The following ANXA9 variants were observed in gnomAD, a reference collection of about 807,000 sequenced individuals.
ANXA9 encodes the protein annexin A9, also known as annexin 31.
A neutral mutation model predicts 51.8 loss-of-function variants in ANXA9; 47 were observed. The ratio of observed to expected loss-of-function variants is 0.91; its 90% CI spans 0.72 to 1.16. The LOEUF is 1.16. ANXA9 is among the 50% of genes most tolerant of loss of function. ANXA9 has a pLI of 0.00. For missense variants in ANXA9, 361 were observed against 424.7 expected (o/e 0.85, Z 1.32); for synonymous variants, 154 against 168.7 (o/e 0.91, Z 0.68).
chr1:150,987,535 C>T (rs1230218839), intron 9 of ANXA9, among the ~76,000 whole-genome samples: 1 of 151,734 alleles, frequency 6.6e-6, no homozygotes, highest in Admixed American at 6.6e-5. Flanking sequence ...CGAAACCAGC[C>T]TAGCCAACAT....
intron 12 of ANXA9, 66 bp downstream of exon 12, chr1:150,988,407 G>T (rs772258896): frequency 7.6e-6 from 12 of 1,581,414 alleles, no homozygotes; most frequent in Non-Finnish European, 1.0e-5. Context: ...GTCTCAGCTT[G>T]CTGCTTATGT....
intron 12 of ANXA9, among the ~76,000 whole-genome samples, chr1:150,991,068 A>G (rs1219151699): frequency 1.1e-4 from 16 of 149,666 alleles, no homozygotes; most frequent in African/African-American, 3.4e-4. Flanking sequence ...GCTTGAACCC[A>G]GGAGGCGGAG....
upstream of ANXA9, among the ~76,000 whole-genome samples, chr1:150,978,409 G>C (rs1442419484): frequency 6.6e-6 from 1 of 152,110 alleles, no homozygotes; most frequent in Non-Finnish European, 1.5e-5. Context: ...CAGCCTGGGT[G>C]ACAGAGTAAG....
intron 9 of ANXA9, 144 bp from the exon 10 acceptor site, chr1:150,987,728 A>T: frequency 6.3e-6 from 1 of 158,880 alleles, no homozygotes; most frequent in Non-Finnish European, 1.2e-5. Context: ...AGTCCTTCTC[A>T]AAAAAAAAAA....
At chr1:150,989,378 T>C (rs1671645176) in intron 12 of ANXA9, among the ~76,000 whole-genome samples, 1 of 151,834 alleles carries the variant, frequency 6.6e-6, no homozygotes. Flanking sequence ...TTAGTAGAAC[T>C]GTCCCCCAAA....
intron 9 of ANXA9, among the ~76,000 whole-genome samples, chr1:150,987,043 TAA>T (rs760338727): frequency 3.3e-5 from 5 of 151,864 alleles, no homozygotes; most frequent in Admixed American, 6.6e-5. Context: ...TCTTAAAAAA[TAA>T]AAAACATAAG....
chr1:150,995,338 C>T lies in ANXA9; in HGVS notation c.*16C>T. The T allele has an allele frequency of 1.3e-6, 2 of 1,588,624 alleles. No homozygotes were observed. The highest frequency in any genetic ancestry group is 1.7e-6 in the Non-Finnish European group (2 of 1,167,680). On this transcript the variant is annotated 3_prime_UTR_variant, in exon 14 of 14. Coordinates refer to ENST00000368947, the MANE Select transcript of ANXA9 (RefSeq NM_003568.3). ...AGACATGTGAGACTTCCCTGCCCCACCCCACATGACATCCGAGGATCTGAG... is the reference window on the plus strand; with the variant it reads ...AGACATGTGAGACTTCCCTGCCCCATCCCACATGACATCCGAGGATCTGAG...
At chr1:150,985,569 G>A (rs587684598) in intron 7 of ANXA9, among the ~76,000 whole-genome samples, 4 of 121,280 alleles carry the variant, frequency 3.3e-5, no homozygotes, top group Non-Finnish European at 4.8e-5. Context: ...GTCTAATCTT[G>A]GCCTATGTTC....
chr1:150,990,899 C>T (rs764485170), intron 12 of ANXA9, among the ~76,000 whole-genome samples: 1 of 151,998 alleles, frequency 6.6e-6, no homozygotes, highest in Non-Finnish European at 1.5e-5. Flanking sequence ...AATCTCAGCA[C>T]TTTGGGAGGC....
At chr1:150,985,319 C>G (rs2102791584) in intron 7 of ANXA9, among the ~76,000 whole-genome samples, 1 of 152,226 alleles carries the variant, frequency 6.6e-6, no homozygotes. Context: ...CCTTCCCAGC[C>G]CCTTGCCATC....
chr1:150,987,700 C>G (rs1260650770), intron 9 of ANXA9, among the ~76,000 whole-genome samples, 172 bp from the exon 10 acceptor site: 1 of 151,166 alleles, frequency 6.6e-6, no homozygotes, highest in Non-Finnish European at 1.5e-5. Context: ...TGCACTCCAG[C>G]CTGGGTGACA....
upstream of ANXA9, among the ~76,000 whole-genome samples, chr1:150,980,312 C>T (rs1464487922): frequency 6.6e-6 from 1 of 151,764 alleles, no homozygotes; most frequent in East Asian, 2.0e-4. Flanking sequence ...AGGAGAATCG[C>T]TTGAACCCGG....
chr1:150,980,670 C>T (rs1164401319), upstream of ANXA9, among the ~76,000 whole-genome samples: 12 of 147,882 alleles, frequency 8.1e-5, no homozygotes, highest in African/African-American at 3.0e-4. Context: ...ACCTCTGCCT[C>T]CCAGGTTCAA....
At chr1:150,981,084 G>T (rs587638903), upstream of ANXA9, among the ~76,000 whole-genome samples, 25 of 152,228 alleles carry the variant, frequency 1.6e-4, no homozygotes, top group South Asian at 5.2e-3. Context: ...GAGCTGAAAG[G>T]ACTAGCGAAG....
Position 150,995,401 on chromosome 1 carries a change from C to A in ANXA9, c.*79C>A. The A allele has an allele frequency of 7.2e-7, 1 of 1,380,684 alleles. No homozygotes were observed. The highest frequency in any genetic ancestry group is 1.0e-6 in the Non-Finnish European group (1 of 1,004,322). 85.5% of individuals were successfully genotyped at this position (1,380,684 alleles called of 1,614,324 possible). On this transcript the variant is annotated 3_prime_UTR_variant, in exon 14 of 14. Coordinates refer to ENST00000368947, the MANE Select transcript of ANXA9 (RefSeq NM_003568.3). ...GGCTGAACCTGGGAGACCAGCTGGG[C>A]CTCCAAGTAGGATAACCCCTCACTG...
intron 12 of ANXA9, among the ~76,000 whole-genome samples, chr1:150,992,588 T>A (rs1001492952): frequency 4.6e-5 from 7 of 151,828 alleles, no homozygotes; most frequent in Admixed American, 1.3e-4. Flanking sequence ...AGCGAGCAGA[T>A]CACTTGAGGT....
rs1248512767 is a variant in ANXA9, at chr1:150,986,421, G to A, written c.552+6G>A. The A allele has an allele frequency of 2.5e-6, 4 of 1,613,672 alleles. No homozygotes were observed. In the African/African-American group the frequency reaches 5.3e-5, roughly 22 times the overall value. ...TGCTGTTGGCCCTGGCCAAGGTGAG[G>A]AGGACTGACCTGCAAGGAAGGGAGT... is the stretch of plus-strand genomic sequence containing the variant. On this transcript the variant is annotated splice_donor_region_variant and intron_variant, in intron 8 of 13. Transcript: ENST00000368947.
At chr1:150,987,146 T>A (rs1671580057) in intron 9 of ANXA9, among the ~76,000 whole-genome samples, 2 of 151,968 alleles carry the variant, frequency 1.3e-5, no homozygotes, top group Admixed American at 1.3e-4. Flanking sequence ...AACAAGAGGA[T>A]CACTTGAGCC....
At chr1:150,994,763 C>T in intron 13 of ANXA9, 64 bp downstream of exon 13, 2 of 1,596,984 alleles carry the variant, frequency 1.3e-6, no homozygotes, top group South Asian at 2.2e-5. Flanking sequence ...CACCCTCACT[C>T]CCTGCACACA....
Sources: gnomAD v4.1 joint callset for allele counts (sites outside exome capture counted in the v4.1 genomes callset) on GRCh38, gnomAD v4.1.1 for gene constraint, MANE v1.5 for transcripts, NCBI Gene and HGNC (gene_info 2026-07-23, HGNC 2026-07-21) for gene names.